Variants in RFX3 observed in about 807,000 individuals in gnomAD.
The protein encoded by RFX3 is regulatory factor X3.
In RFX3, 14 loss-of-function variants were observed where a neutral mutation model predicts 98.6. The observed-to-expected ratio is 0.14, with a 90% CI of 0.09 to 0.22. The LOEUF is 0.22. Ranked by LOEUF, RFX3 falls within the 10% of genes least tolerant of loss-of-function variation. The probability of loss-of-function intolerance (pLI) is 1.00; values close to 1 mark genes in which losing one functional copy is unlikely to be tolerated. For synonymous variants in RFX3, 383 were observed against 328.4 expected, an observed-to-expected ratio of 1.17 and a Z score of -1.80; for missense variants, 639 against 926.9, an observed-to-expected ratio of 0.69 and a Z score of 4.03.
chr9:3,333,365 G>C lies in RFX3; in HGVS notation c.216-2848C>G, dbSNP rs1310093528. 4.6e-5 allele frequency among the ~76,000 whole-genome samples: 7 copies of C among 150,982 alleles called. No homozygotes were observed. The East Asian group carries it at 7.8e-4, about 17-fold the overall frequency. On this transcript the variant is annotated intron_variant, in intron 3 of 16. Coordinates refer to ENST00000617270, the MANE Select transcript of RFX3 (RefSeq NM_001282116.2). ...CACACTGGGTAAAGAGCCCTTTCCA[G>C]AAAGAGCCACAGCAAATCCAGGTAA...
intron 2 of RFX3, among the ~76,000 whole-genome samples, chr9:3,346,978 C>A (rs1834504845): frequency 1.3e-5 from 2 of 152,130 alleles, no homozygotes; most frequent in Admixed American, 6.5e-5. Flanking sequence ...TGTAACTTCC[C>A]TGCAGGTATA....
intron 2 of RFX3, among the ~76,000 whole-genome samples, chr9:3,383,740 C>G (rs900919505): frequency 2.0e-5 from 3 of 152,126 alleles, no homozygotes; most frequent in African/African-American, 4.8e-5. Flanking sequence ...GATGTCAACA[C>G]AAGTTTTGTT....
intron 7 of RFX3, among the ~76,000 whole-genome samples, chr9:3,283,630 CA>C (rs1313688999): frequency 6.6e-6 from 1 of 151,716 alleles, no homozygotes; most frequent in Non-Finnish European, 1.5e-5. Flanking sequence ...ACAGCCAAAA[CA>C]AAAGTAGGCT....
At chr9:3,314,465 T>C (rs1762770790) in intron 4 of RFX3, among the ~76,000 whole-genome samples, 1 of 152,140 alleles carries the variant, frequency 6.6e-6, no homozygotes, top group Non-Finnish European at 1.5e-5. Flanking sequence ...CTGCATCAAC[T>C]AACGAGCAAA....
intron 3 of RFX3, among the ~76,000 whole-genome samples, chr9:3,333,788 G>A (rs901009529): frequency 6.6e-6 from 1 of 151,994 alleles, no homozygotes; most frequent in Non-Finnish European, 1.5e-5. Context: ...CATCCAAGCA[G>A]GATGATTCAG....
At chr9:3,236,348 G>A (rs929791257) in intron 15 of RFX3, among the ~76,000 whole-genome samples, 2 of 152,144 alleles carry the variant, frequency 1.3e-5, no homozygotes, top group Non-Finnish European at 2.9e-5. Context: ...GTCATTCAGA[G>A]AAAGAAGTGG....
chr9:3,309,101 G>GA (rs1450649329), intron 4 of RFX3, among the ~76,000 whole-genome samples: 1 of 152,094 alleles, frequency 6.6e-6, no homozygotes, highest in African/African-American at 2.4e-5. Flanking sequence ...GTAGATTCAA[G>GA]AAAAATGCAT....
intron 3 of RFX3, among the ~76,000 whole-genome samples, chr9:3,332,098 C>G (rs567956758): frequency 6.6e-6 from 1 of 152,298 alleles, no homozygotes; most frequent in East Asian, 1.9e-4. Context: ...ATGTTATCTT[C>G]TAAATAATTT....
intron 6 of RFX3, among the ~76,000 whole-genome samples, chr9:3,292,288 T>C (rs1827492961): frequency 6.6e-6 from 1 of 151,930 alleles, no homozygotes; most frequent in Non-Finnish European, 1.5e-5. Context: ...TATAGAAATA[T>C]GGAAAGACAA....
intron 1 of RFX3, among the ~76,000 whole-genome samples, chr9:3,408,101 C>T (rs1462293925): frequency 6.6e-6 from 1 of 152,174 alleles, no homozygotes; most frequent in Non-Finnish European, 1.5e-5. Context: ...CGTTCATTCA[C>T]CAATGAGCTT....
intron 2 of RFX3, among the ~76,000 whole-genome samples, chr9:3,378,149 G>A (rs1268625340): frequency 6.6e-6 from 1 of 152,130 alleles, no homozygotes; most frequent in East Asian, 1.9e-4. Context: ...AAATCCATGT[G>A]TCAAAAATCT....
chr9:3,396,023 A>G (rs1007037057), intron 1 of RFX3, among the ~76,000 whole-genome samples: 3 of 152,114 alleles, frequency 2.0e-5, no homozygotes, highest in Non-Finnish European at 2.9e-5. Flanking sequence ...TCACCAGAAT[A>G]TAATTTAGAG....
At chr9:3,347,137 A>G (rs1316952125) in intron 2 of RFX3, among the ~76,000 whole-genome samples, 1 of 152,134 alleles carries the variant, frequency 6.6e-6, no homozygotes, top group Admixed American at 6.5e-5. Context: ...CCTGGGCAAC[A>G]CGGTGAAACC....
intron 1 of RFX3, chr9:3,400,245 C>A (rs759857483): frequency 8.2e-6 from 8 of 979,722 alleles, no homozygotes; most frequent in Admixed American, 1.2e-4. Flanking sequence ...TAGAATGAGA[C>A]AGGAAGAAAA....
intron 15 of RFX3, among the ~76,000 whole-genome samples, chr9:3,233,848 A>C (rs1438937198): frequency 6.6e-6 from 1 of 152,248 alleles, no homozygotes; most frequent in Non-Finnish European, 1.5e-5. Context: ...GGAAGCACTT[A>C]ACAAATGATC....
In RFX3 at chr9:3,223,191, T is replaced by C. The variant is rs1282962846; in HGVS notation, c.*1851A>G. ...TTTGGCTTTATTATCTATTTATTTT[T>C]GCTGATTAGTTTTTTACAACTATTT... On this transcript the variant is annotated 3_prime_UTR_variant, in exon 17 of 17. Transcript: ENST00000617270. The C allele has an allele frequency of 1.3e-5, 2 of 152,316 alleles. No homozygotes were observed. Among genetic ancestry groups the C allele is most frequent in the Non-Finnish European group, 2.9e-5 (2 of 68,030 alleles). The allele number at this position is 152,316 out of a possible 1,614,324, so 9.4% of individuals were successfully genotyped here. A position where few individuals can be genotyped will look rare whatever the true frequency, so the allele number is the denominator to read the frequency against.
chr9:3,468,110 TA>T (rs1465172025), intron 1 of RFX3, among the ~76,000 whole-genome samples: 1 of 152,204 alleles, frequency 6.6e-6, no homozygotes, highest in Non-Finnish European at 1.5e-5. Flanking sequence ...TGAAAATGGG[TA>T]TTTTCCATGA....
intron 2 of RFX3, among the ~76,000 whole-genome samples, chr9:3,374,010 A>G (rs1169960521): frequency 6.6e-6 from 1 of 152,024 alleles, no homozygotes; most frequent in East Asian, 1.9e-4. Context: ...CCCGAGAGGC[A>G]GAGGTTGCAG....
rs546684717 is a variant in RFX3, at chr9:3,312,744, C to A, written c.475-11124G>T. Among the ~76,000 whole-genome samples, 5 of 152,292 alleles carry A rather than the reference C, an allele frequency of 3.3e-5. No individual in the cohort carries two copies. The South Asian group carries it at 8.3e-4, about 25-fold the overall frequency. Reference sequence around the variant, plus strand: ...CTCATGCCTGGCTCAGGGGGTCCCACGCCCATGGAGCCTCGCTCACTGCTA... The same window carrying A: ...CTCATGCCTGGCTCAGGGGGTCCCAAGCCCATGGAGCCTCGCTCACTGCTA... On this transcript the variant is annotated intron_variant, in intron 4 of 16. Coordinates refer to ENST00000617270, the MANE Select transcript of RFX3 (RefSeq NM_001282116.2).
Sources: allele counts gnomAD v4.1 joint callset (sites outside exome capture counted in the v4.1 genomes callset), GRCh38; gene constraint gnomAD v4.1.1; transcripts MANE v1.5; gene names NCBI Gene and HGNC (gene_info 2026-07-23, HGNC 2026-07-21).